Variants in FOXN2 observed in about 807,000 individuals in gnomAD.
The protein encoded by FOXN2 is forkhead box N2.
FOXN2 carries 19 observed loss-of-function variants against 41.2 expected under a neutral mutation model. That is an observed-to-expected ratio of 0.46 (90% CI 0.32 to 0.68). The LOEUF is 0.68. Ranked by LOEUF, FOXN2 falls within the 30% of genes least tolerant of loss-of-function variation. The pLI, the probability that FOXN2 is intolerant of heterozygous loss-of-function variation, is 0.03. For synonymous variants in FOXN2, 195 were observed against 176.8 expected, an observed-to-expected ratio of 1.10 and a Z score of -0.82; for missense variants, 587 against 509.4, an observed-to-expected ratio of 1.15 and a Z score of -1.47.
At chr2:48,354,861 A>G (rs1382494731) in intron 3 of FOXN2, among the ~76,000 whole-genome samples, 7 of 152,224 alleles carry the variant, frequency 4.6e-5, no homozygotes, top group African/African-American at 1.7e-4. Flanking sequence ...AATGTGTGTG[A>G]GGGACATTCA....
At chr2:48,332,823 T>C (rs1572711273) in intron 2 of FOXN2, among the ~76,000 whole-genome samples, 1 of 152,276 alleles carries the variant, frequency 6.6e-6, no homozygotes, top group African/African-American at 2.4e-5. Context: ...AAGAATCCTA[T>C]GAAAGTAGGT....
At chr2:48,374,855 TA>T (rs2104546934) in intron 6 of FOXN2, 64 bp from the exon 7 acceptor site, 7 of 1,392,494 alleles carry the variant, frequency 5.0e-6, no homozygotes, top group African/African-American at 1.4e-5. Flanking sequence ...TGTAGTAGTT[TA>T]AAATTGGTCT....
chr2:48,355,117 A>G (rs1380167704), intron 3 of FOXN2, among the ~76,000 whole-genome samples: 1 of 152,192 alleles, frequency 6.6e-6, no homozygotes, highest in East Asian at 1.9e-4. Context: ...AAATATTCAC[A>G]GTGGTATTAT....
At chr2:48,346,939 C>T (rs1279610589) in intron 3 of FOXN2, among the ~76,000 whole-genome samples, 188 bp downstream of exon 3, 1 of 152,128 alleles carries the variant, frequency 6.6e-6, no homozygotes, top group Non-Finnish European at 1.5e-5. Flanking sequence ...ATAAATTTAG[C>T]AGAATTATGT....
chr2:48,315,433 C>G (rs971262737), intron 1 of FOXN2, among the ~76,000 whole-genome samples: 1 of 152,182 alleles, frequency 6.6e-6, no homozygotes, highest in African/African-American at 2.4e-5. Flanking sequence ...CACCCTCTCG[C>G]CCCTCCACCG....
rs1673028461 is a variant in FOXN2, at chr2:48,373,303, G to A, written c.715G>A (p.Asp239Asn). 6.3e-7 allele frequency: 1 copy of A among 1,590,534 alleles called. No homozygotes were observed. Among genetic ancestry groups the A allele is most frequent in the East Asian group, 2.3e-5 (1 of 43,744 alleles). ...TTTTCCCTTTTCAGAATCTGATATT[G>A]ATGCTGCTGCTGCAATGATGCTTTT... ...QVRNLKESDI[D>N]AAAAMMLLNT... Residue 239 changes from aspartate to asparagine, a missense_variant, in exon 6 of 7, where the codon GAT (aspartate) becomes AAT (asparagine). Asp to Asn is a conservative substitution (Grantham distance 23). Transcript: ENST00000340553.
chr2:48,343,449 G>T (rs551877280), intron 2 of FOXN2, among the ~76,000 whole-genome samples: 34 of 152,184 alleles, frequency 2.2e-4, no homozygotes, highest in African/African-American at 8.2e-4. Flanking sequence ...GATTCATTAG[G>T]AATGCAAAAG....
chr2:48,350,319 C>T (rs1368291169), intron 3 of FOXN2, among the ~76,000 whole-genome samples: 1 of 152,258 alleles, frequency 6.6e-6, no homozygotes, highest in Non-Finnish European at 1.5e-5. Flanking sequence ...TGAGTGACCA[C>T]TCCCTTTCCC....
intron 2 of FOXN2, among the ~76,000 whole-genome samples, chr2:48,335,385 A>T (rs888561274): frequency 6.6e-6 from 1 of 152,234 alleles, no homozygotes; most frequent in Non-Finnish European, 1.5e-5. Flanking sequence ...TTAGACCACA[A>T]GATAGACAAG....
intron 1 of FOXN2, among the ~76,000 whole-genome samples, chr2:48,324,421 T>G (rs1484819364): frequency 1.3e-5 from 2 of 152,198 alleles, no homozygotes; most frequent in Non-Finnish European, 2.9e-5. Context: ...CTCGAACTCC[T>G]GACCTCAAGT....
At chr2:48,341,766 G>T (rs72887686) in intron 2 of FOXN2, among the ~76,000 whole-genome samples, 18,354 of 152,216 alleles carry the variant, frequency 0.12, 1,302 homozygotes, top group African/African-American at 0.2. Context: ...CACTGTGTTA[G>T]CCTATTTCGG....
intron 3 of FOXN2, among the ~76,000 whole-genome samples, chr2:48,347,341 C>T (rs1426969438): frequency 6.7e-6 from 1 of 149,750 alleles, no homozygotes; most frequent in Non-Finnish European, 1.5e-5. Context: ...ATTCTTAATG[C>T]CTCAGCATCC....
intron 4 of FOXN2, among the ~76,000 whole-genome samples, chr2:48,360,253 G>A (rs1422125747): frequency 6.6e-6 from 1 of 151,980 alleles, no homozygotes; most frequent in Non-Finnish European, 1.5e-5. Context: ...CATTTGAATT[G>A]AAAATCCCAG....
chr2:48,374,175 A>G (rs1299173790), intron 6 of FOXN2, among the ~76,000 whole-genome samples: 1 of 152,196 alleles, frequency 6.6e-6, no homozygotes, highest in Non-Finnish European at 1.5e-5. Flanking sequence ...TATCAAGTAT[A>G]TACATAAAAA....
chr2:48,348,995 A>C (rs978476827), intron 3 of FOXN2, among the ~76,000 whole-genome samples: 4 of 152,212 alleles, frequency 2.6e-5, no homozygotes, highest in Non-Finnish European at 5.9e-5. Flanking sequence ...CAGGTTCTGC[A>C]TGCCTGTGCT....
rs1300238005 is a variant in FOXN2, at chr2:48,375,103, G to A, written c.956G>A (p.Ser319Asn). Residue 319 changes from serine (S) to asparagine (N), a missense_variant, in exon 7 of 7, where the codon AGC becomes AAC. Coordinates refer to ENST00000340553, the MANE Select transcript of FOXN2 (RefSeq NM_002158.4). ...MAAQRCASRSSVSSLSSVDEV... is the reference protein window; with the variant it reads ...MAAQRCASRSNVSSLSSVDEV... ...GCACAGCGTTGTGCATCCAGGTCTA[G>A]CGTGTCTTCCCTGTCTTCTGTGGAT... 1 of 1,614,078 alleles carries A rather than the reference G, an allele frequency of 6.2e-7. No individual in the cohort carries two copies. Among genetic ancestry groups the A allele is most frequent in the East Asian group, 2.2e-5 (1 of 44,868 alleles).
chr2:48,340,711 G>T (rs548738251), intron 2 of FOXN2: 1 of 151,894 alleles, frequency 6.6e-6, no homozygotes, highest in African/African-American at 2.4e-5. Context: ...GTCAAAAATT[G>T]CCAGTGCTGA....
At chr2:48,320,850 G>T (rs768584730) in intron 1 of FOXN2, among the ~76,000 whole-genome samples, 49 of 152,304 alleles carry the variant, frequency 3.2e-4, no homozygotes, top group South Asian at 1.0e-3. Context: ...CTTACTCTGT[G>T]GCAGGAATGT....
At chr2:48,358,243 A>G (rs983100198) in intron 3 of FOXN2, among the ~76,000 whole-genome samples, 2 of 152,156 alleles carry the variant, frequency 1.3e-5, no homozygotes, top group Admixed American at 6.5e-5. Flanking sequence ...TTATTCAACC[A>G]ACATGCAGCA....
Sources: gnomAD v4.1 joint callset for allele counts (sites outside exome capture counted in the v4.1 genomes callset) on GRCh38, gnomAD v4.1.1 for gene constraint, MANE v1.5 for transcripts, NCBI Gene and HGNC (gene_info 2026-07-23, HGNC 2026-07-21) for gene names.